ZNF555: variants seen among roughly 807,000 people sequenced by gnomAD.
ZNF555 encodes the protein zinc finger protein 555.
ZNF555 carries 10 observed loss-of-function variants against 14.0 expected under a neutral mutation model. The observed-to-expected ratio is 0.72, with a 90% CI of 0.44 to 1.21. The LOEUF is 1.21. ZNF555 is among the 50% of genes most tolerant of loss of function. ZNF555 has a pLI of 0.00. For missense variants in ZNF555, 747 were observed against 762.0 expected (o/e 0.98, Z 0.23); for synonymous variants, 277 against 262.4 (o/e 1.06, Z -0.54).
At chr19:2,842,238 G>A (rs1478354277) in intron 1 of ZNF555, among the ~76,000 whole-genome samples, 2 of 152,184 alleles carry the variant, frequency 1.3e-5, no homozygotes, top group South Asian at 4.1e-4. Context: ...CTGAGTCCCG[G>A]TTTTCCTTCT....
chr19:2,858,780 C>T lies in ZNF555; in HGVS notation c.*4828C>T, dbSNP rs1486206832. ...ACAATCACACGCCTCACGGTGTCAA[C>T]ATCTCCCATGACATCACAAAGATGC... On this transcript the variant is annotated 3_prime_UTR_variant, in exon 4 of 4. Transcript: ENST00000334241. 1 of 152,358 alleles carries T rather than the reference C, an allele frequency of 6.6e-6. No homozygotes were observed. Among genetic ancestry groups the T allele is most frequent in the East Asian group, 1.9e-4 (1 of 5,200 alleles). 9.4% of individuals were successfully genotyped at this position (152,358 alleles called of 1,614,324 possible). A position where few individuals can be genotyped will look rare whatever the true frequency, so the allele number is the denominator to read the frequency against.
At chr19:2,852,148 A>G (rs76421993) in intron 3 of ZNF555, among the ~76,000 whole-genome samples, 1 of 5,200 alleles carries the variant, frequency 1.9e-4, no homozygotes, top group Non-Finnish European at 6.3e-4. Flanking sequence ...ACTCTGTCTC[A>G]AAAAAAAAAA....
chr19:2,843,867 T>TTTTTG (rs1555722593), intron 1 of ZNF555, among the ~76,000 whole-genome samples: 9 of 152,052 alleles, frequency 5.9e-5, no homozygotes, highest in Admixed American at 5.2e-4. Context: ...TTACTTTGTT[T>TTTTTG]TTTTGTTTTG....
At position 2,853,340 on chromosome 19, in the gene ZNF555, G is replaced by C. The variant is rs769783242; in HGVS notation, c.1275G>C (p.Glu425Asp). Residue 425 changes from glutamate (E) to aspartate (D), a missense_variant, in exon 4 of 4, where the codon GAG becomes GAC. Coordinates refer to ENST00000334241, the MANE Select transcript of ZNF555 (RefSeq NM_152791.5). ...TGCACACTGGAGAGAAACCCTATGA[G>C]TGCAAGCAATGTGGGAAAACTTTCA... Reference protein sequence around the residue: ...MRVHTGEKPYECKQCGKTFNW... With the variant: ...MRVHTGEKPYDCKQCGKTFNW... 6.2e-7 allele frequency: 1 copy of C among 1,613,270 alleles called. No homozygotes were observed. The highest frequency in any genetic ancestry group is 8.5e-7 in the Non-Finnish European group (1 of 1,179,720).
chr19:2,848,303 C>G (rs2087599602), intron 1 of ZNF555, among the ~76,000 whole-genome samples: 1 of 151,932 alleles, frequency 6.6e-6, no homozygotes, highest in Non-Finnish European at 1.5e-5. Context: ...AGGCGCCCAC[C>G]ACCACGCCCG....
intron 1 of ZNF555, chr19:2,847,174 T>C (rs930903305): frequency 1.3e-5 from 2 of 152,242 alleles, no homozygotes; most frequent in African/African-American, 4.8e-5. Context: ...TTTCTCTCAT[T>C]TTTATCACAC....
chr19:2,851,361 T>C (rs2144853316), intron 2 of ZNF555, 107 bp from the exon 3 acceptor site: 1 of 869,446 alleles, frequency 1.2e-6, no homozygotes, highest in East Asian at 2.8e-5. Flanking sequence ...TTGCTTACCT[T>C]TTTGACCATT....
Position 2,854,255 on chromosome 19 carries a change from G to T in ZNF555, c.*303G>T. 1 of 279,110 alleles carries T rather than the reference G, an allele frequency of 3.6e-6. No individual in the cohort carries two copies. Among genetic ancestry groups the T allele is most frequent in the Non-Finnish European group, 6.7e-6 (1 of 148,726 alleles). 17.3% of individuals were successfully genotyped at this position (279,110 alleles called of 1,614,324 possible). ...TATTATATTTTCCACCTTTTTTACT[G>T]GGAGTATTTTTATTGTTTGGCCAGA... On this transcript the variant is annotated 3_prime_UTR_variant, in exon 4 of 4. Transcript: ENST00000334241.
At position 2,852,940 on chromosome 19, in the gene ZNF555, C is replaced by T. The variant is rs752713871; in HGVS notation, c.875C>T (p.Ala292Val). ...KPYKCKECAEAFSYSSTFRRH... is the reference protein window; with the variant it reads ...KPYKCKECAEVFSYSSTFRRH... Reference sequence around the variant, plus strand: ...TATAAATGTAAGGAATGTGCGGAAGCCTTTAGTTATTCCTCAACTTTTCGA... The same window carrying T: ...TATAAATGTAAGGAATGTGCGGAAGTCTTTAGTTATTCCTCAACTTTTCGA... The change falls in exon 4 of 4, where the codon GCC becomes GTC. Residue 292 changes from alanine (A) to valine (V), a missense_variant. Physicochemically the swap from Ala to Val is moderately conservative, Grantham distance 64. Coordinates refer to ENST00000334241, the MANE Select transcript of ZNF555 (RefSeq NM_152791.5). 13 of 1,614,210 alleles carry T rather than the reference C, an allele frequency of 8.1e-6. No homozygotes were observed. The African/African-American group carries it at 1.6e-4, about 20-fold the overall frequency.
chr19:2,844,520 T>C (rs2087566769), intron 1 of ZNF555, among the ~76,000 whole-genome samples: 1 of 152,222 alleles, frequency 6.6e-6, no homozygotes, highest in African/African-American at 2.4e-5. Context: ...ATTATAGGTG[T>C]GAACCACCAT....
intron 1 of ZNF555, 84 bp from the exon 2 acceptor site, chr19:2,850,503 G>C (rs918260774): frequency 1.9e-6 from 3 of 1,547,556 alleles, no homozygotes; most frequent in African/African-American, 2.7e-5. Flanking sequence ...ACAGAATCTT[G>C]TTTGAACTAC....
Position 2,854,102 on chromosome 19 carries a change from T to C in ZNF555, c.*150T>C, listed in dbSNP as rs979163544. On this transcript the variant is annotated 3_prime_UTR_variant, in exon 4 of 4. Coordinates refer to ENST00000334241, the MANE Select transcript of ZNF555 (RefSeq NM_152791.5). ...TCTTACGATTCAGTAAATAAAACTT[T>C]CATCTTAGAGTGTTTTGGACTCATG... The C allele has an allele frequency of 2.1e-6, 2 of 968,902 alleles. No individual in the cohort carries two copies. The highest frequency in any genetic ancestry group is 6.0e-5 in the Admixed American group (2 of 33,394). 60.0% of individuals were successfully genotyped at this position (968,902 alleles called of 1,614,324 possible).
Position 2,851,573 on chromosome 19 carries a change from C to T in ZNF555, c.236C>T (p.Ser79Phe), listed in dbSNP as rs763135746. Reference protein sequence around the residue: ...SKIATFTRNVSWASVLGKIWD... With the variant: ...SKIATFTRNVFWASVLGKIWD... ...ATAGCCACGTTCACCAGAAATGTTTCCTGGGCCTCTGTTTTAGGAAAAATT... is the reference window on the plus strand; with the variant it reads ...ATAGCCACGTTCACCAGAAATGTTTTCTGGGCCTCTGTTTTAGGAAAAATT... The change falls in exon 3 of 4, where the codon TCC becomes TTC. Residue 79 changes from serine (S) to phenylalanine (F), a missense_variant. Ser to Phe is a radical substitution (Grantham distance 155). Transcript: ENST00000334241. 5.6e-6 allele frequency: 9 copies of T among 1,612,440 alleles called. No homozygotes were observed. The highest frequency in any genetic ancestry group is 3.3e-4 in the Middle Eastern group (2 of 6,062).
At position 2,858,006 on chromosome 19, in the gene ZNF555, TAGCG is replaced by T. The variant is rs1214531753; in HGVS notation, c.*4057_*4060del. The T allele has an allele frequency of 1.3e-5, 2 of 152,272 alleles. No individual in the cohort carries two copies. Among genetic ancestry groups the T allele is most frequent in the Admixed American group, 6.6e-5 (1 of 15,244 alleles). 9.4% of individuals were successfully genotyped at this position (152,272 alleles called of 1,614,324 possible). On this transcript the variant is annotated 3_prime_UTR_variant, in exon 4 of 4. Coordinates refer to ENST00000334241, the MANE Select transcript of ZNF555 (RefSeq NM_152791.5). The stretch of plus-strand genomic sequence containing the variant: ...GAGCTAGACACCAGTCTGGGCAACA[TAGCG>T]AGACCTCAACTCTACCAAAAAATTA...
intron 1 of ZNF555, among the ~76,000 whole-genome samples, chr19:2,844,158 A>G (rs1162932823): frequency 7.5e-6 from 1 of 134,060 alleles, no homozygotes; most frequent in Non-Finnish European, 1.5e-5. Flanking sequence ...GCTGGAGTGC[A>G]GTGGCAGGAA....
intron 1 of ZNF555, among the ~76,000 whole-genome samples, chr19:2,842,082 CTCCTTG>C (rs1440303768): frequency 6.6e-6 from 1 of 152,058 alleles, no homozygotes; most frequent in Non-Finnish European, 1.5e-5. Flanking sequence ...CGCGGCTCAG[CTCCTTG>C]GAGGCCCCGC....
rs2087696276 is a variant in ZNF555 at position 2,857,809 on chromosome 19, T to A, written c.*3857T>A. On this transcript the variant is annotated 3_prime_UTR_variant, in exon 4 of 4. Coordinates refer to ENST00000334241, the MANE Select transcript of ZNF555 (RefSeq NM_152791.5). The stretch of plus-strand genomic sequence containing the variant: ...AGTGAACTATGATCATGCACTGCAC[T>A]CTACACTGGGCGACAGAGCAAGACC... 6.6e-6 allele frequency: 1 copy of A among 152,098 alleles called. No individual in the cohort carries two copies. Among genetic ancestry groups the A allele is most frequent in the African/African-American group, 2.4e-5 (1 of 41,344 alleles). 9.4% of individuals were successfully genotyped at this position (152,098 alleles called of 1,614,324 possible). A position where few individuals can be genotyped will look rare whatever the true frequency, so the allele number is the denominator to read the frequency against.
chr19:2,843,606 T>C (rs988673634), intron 1 of ZNF555, among the ~76,000 whole-genome samples: 2 of 152,224 alleles, frequency 1.3e-5, no homozygotes, highest in African/African-American at 4.8e-5. Context: ...AAATATGTTA[T>C]TCTCCTTGAC....
Position 2,853,779 on chromosome 19 carries a change from G to C in ZNF555, c.1714G>C (p.Ala572Pro). Residue 572 changes from alanine to proline, a missense_variant, in exon 4 of 4, where the codon GCA becomes CCA. Coordinates refer to ENST00000334241, the MANE Select transcript of ZNF555 (RefSeq NM_152791.5). ...TTATCAATGTAAGCATTGTGGGAAAGCATTCAATTGTTCCTCATCCTTAAG... is the reference window on the plus strand; with the variant it reads ...TTATCAATGTAAGCATTGTGGGAAACCATTCAATTGTTCCTCATCCTTAAG... ...KPYQCKHCGKAFNCSSSLRRH... is the reference protein window; with the variant it reads ...KPYQCKHCGKPFNCSSSLRRH... 1 of 1,611,156 alleles carries C rather than the reference G, an allele frequency of 6.2e-7. No homozygotes were observed. Among genetic ancestry groups the C allele is most frequent in the Non-Finnish European group, 8.5e-7 (1 of 1,178,334 alleles).
Sources: allele counts gnomAD v4.1 joint callset (sites outside exome capture counted in the v4.1 genomes callset), GRCh38; gene constraint gnomAD v4.1.1; transcripts MANE v1.5; gene names NCBI Gene and HGNC (gene_info 2026-07-23, HGNC 2026-07-21).